Variants in NRXN1 observed in about 807,000 individuals in gnomAD.
NRXN1 encodes neurexin-1.
In NRXN1, 39 loss-of-function variants were observed where a neutral mutation model predicts 150.9. The ratio of observed to expected loss-of-function variants is 0.26; its 90% CI spans 0.20 to 0.34. The LOEUF (loss-of-function observed/expected upper bound fraction) is 0.34. NRXN1 is among the 10% of genes least tolerant of loss of function. The pLI is 1.00. For missense variants in NRXN1, 1,815 were observed against 1,949.9 expected (o/e 0.93, Z 1.30); for synonymous variants, 924 against 757.0 (o/e 1.22, Z -3.62).
intron 5 of NRXN1, among the ~76,000 whole-genome samples, chr2:50,872,048 C>A (rs1186736387): frequency 6.6e-6 from 1 of 151,776 alleles, no homozygotes; most frequent in African/African-American, 2.4e-5. Flanking sequence ...TCATAACAAA[C>A]CCTACTACTC....
intron 18 of NRXN1, among the ~76,000 whole-genome samples, chr2:50,186,906 T>C (rs1368465501): frequency 6.6e-6 from 1 of 152,116 alleles, no homozygotes; most frequent in African/African-American, 2.4e-5. Context: ...TTAAAATTCC[T>C]TCCTTCCACA....
At chr2:50,049,665 C>T (rs73930995) in intron 21 of NRXN1, among the ~76,000 whole-genome samples, 3,329 of 152,248 alleles carry the variant, frequency 0.022, 123 homozygotes, top group African/African-American at 0.076. Flanking sequence ...AAAGAAACAG[C>T]ACAGTTCAAT....
intron 18 of NRXN1, among the ~76,000 whole-genome samples, chr2:50,222,324 T>C (rs779849686): frequency 5.5e-4 from 84 of 152,126 alleles, no homozygotes; most frequent in Non-Finnish European, 9.4e-4. Flanking sequence ...ATTATTAAAA[T>C]GCGAACACAC....
intron 2 of NRXN1, among the ~76,000 whole-genome samples, chr2:50,948,928 G>A (rs1421455304): frequency 6.6e-6 from 1 of 151,844 alleles, no homozygotes. Context: ...AATTCAATAT[G>A]GCTTATCCAC....
At chr2:50,845,137 C>T (rs904069226) in intron 5 of NRXN1, among the ~76,000 whole-genome samples, 1 of 150,694 alleles carries the variant, frequency 6.6e-6, no homozygotes, top group African/African-American at 2.4e-5. Context: ...ATTACCATGC[C>T]TGGCTCTCAA....
intron 10 of NRXN1, among the ~76,000 whole-genome samples, chr2:50,537,268 G>A (rs886838798): frequency 6.6e-6 from 1 of 152,094 alleles, no homozygotes; most frequent in Non-Finnish European, 1.5e-5. Flanking sequence ...ATGTAATAAA[G>A]CAATGTTATT....
chr2:50,758,605 G>A (rs1701430357), intron 5 of NRXN1, among the ~76,000 whole-genome samples: 1 of 151,842 alleles, frequency 6.6e-6, no homozygotes, highest in Non-Finnish European at 1.5e-5. Flanking sequence ...ACCATTCCCA[G>A]CTTATAAACT....
chr2:50,539,529 A>T (rs1448253378), intron 9 of NRXN1, among the ~76,000 whole-genome samples: 1 of 152,188 alleles, frequency 6.6e-6, no homozygotes, highest in Non-Finnish European at 1.5e-5. Flanking sequence ...TCTATGAAAA[A>T]AAAAGAAAGA....
At chr2:49,956,348 G>T (rs867750160) in intron 21 of NRXN1, among the ~76,000 whole-genome samples, 1 of 152,096 alleles carries the variant, frequency 6.6e-6, no homozygotes, top group Non-Finnish European at 1.5e-5. Flanking sequence ...ATTAGAAAAG[G>T]TATCAATTTG....
chr2:50,469,218 A>G (rs2089225765), intron 16 of NRXN1, among the ~76,000 whole-genome samples: 1 of 151,642 alleles, frequency 6.6e-6, no homozygotes, highest in African/African-American at 2.4e-5. Context: ...TCTGTAAGTG[A>G]TTCTGATATA....
Position 50,482,243 on chromosome 2 carries a change from G to A in NRXN1, c.3071-9772C>T, listed in dbSNP as rs142659317. Among the ~76,000 whole-genome samples, 911 of 152,278 alleles carry A rather than the reference G, an allele frequency of 6.0e-3. 7 individuals are homozygous for A. Among genetic ancestry groups the A allele is most frequent in the Non-Finnish European group, 9.6e-3 (656 of 68,018 alleles). On this transcript the variant is annotated intron_variant, in intron 15 of 22. Coordinates refer to ENST00000401669, the MANE Select transcript of NRXN1 (RefSeq NM_001330078.2). ...GGAAATAATAAAGTGAAATTGCTATGGGAGCGTGTAGAGTAATCCATCTTC... is the reference window on the plus strand; with the variant it reads ...GGAAATAATAAAGTGAAATTGCTATAGGAGCGTGTAGAGTAATCCATCTTC...
Position 50,006,256 on chromosome 2 carries a change from T to C in NRXN1, c.4128+47015A>G, listed in dbSNP as rs536505459. Among the ~76,000 whole-genome samples, 3 of 152,258 alleles carry C rather than the reference T, an allele frequency of 2.0e-5. No individual in the cohort carries two copies. In the South Asian group the frequency reaches 6.2e-4, roughly 32 times the overall value. ...TACCCTAGTTCTAATTTTCATTACC[T>C]CCTTCTTGAACTACCGCACTTGCTT... is the stretch of plus-strand genomic sequence containing the variant. On this transcript the variant is annotated intron_variant, in intron 21 of 22. Transcript: ENST00000401669.
In NRXN1 at chr2:50,883,178, T is replaced by A. The variant is rs79795414; in HGVS notation, c.832+38691A>T. On this transcript the variant is annotated intron_variant, in intron 5 of 22. Transcript: ENST00000401669. ...GTGACGAATATTCTATTTGCAATTT[T>A]CTTTTCATTTTTGCATTGACATTAG... is the stretch of plus-strand genomic sequence containing the variant. 6.9e-3 allele frequency among the ~76,000 whole-genome samples: 1,049 copies of A among 152,006 alleles called. 13 individuals are homozygous for A. Among genetic ancestry groups the A allele is most frequent in the African/African-American group, 0.024 (1,013 of 41,522 alleles).
At chr2:50,349,598 A>G (rs2078269592) in intron 17 of NRXN1, among the ~76,000 whole-genome samples, 2 of 152,170 alleles carry the variant, frequency 1.3e-5, no homozygotes, top group African/African-American at 4.8e-5. Context: ...CACATTAGTT[A>G]CTGAGTCTTT....
chr2:50,386,810 C>T, intron 17 of NRXN1, among the ~76,000 whole-genome samples: 1 of 152,106 alleles, frequency 6.6e-6, no homozygotes, highest in East Asian at 1.9e-4. Context: ...TGGCCTTGAG[C>T]AAGGCACTTA....
chr2:50,828,984 C>T (rs1265213577), intron 5 of NRXN1, among the ~76,000 whole-genome samples: 2 of 152,308 alleles, frequency 1.3e-5, no homozygotes, highest in East Asian at 1.9e-4. Flanking sequence ...CCCGGCACCT[C>T]GGGAGGCCGA....
chr2:51,001,748 G>T (rs1398112767), intron 2 of NRXN1, among the ~76,000 whole-genome samples: 1 of 151,900 alleles, frequency 6.6e-6, no homozygotes, highest in Non-Finnish European at 1.5e-5. Context: ...TTTGATGATG[G>T]GGTTCAGGAT....
chr2:50,222,557 T>C (rs542887040), intron 18 of NRXN1, among the ~76,000 whole-genome samples: 2 of 152,054 alleles, frequency 1.3e-5, no homozygotes, highest in South Asian at 4.1e-4. Context: ...TTTACACATG[T>C]GAAACGATAT....
intron 18 of NRXN1, among the ~76,000 whole-genome samples, chr2:50,135,563 C>A (rs901205821): frequency 7.2e-5 from 11 of 152,022 alleles, no homozygotes; most frequent in African/African-American, 2.2e-4. Context: ...TGGTGGCGGG[C>A]GCCTGTAGAC....
Sources: allele counts gnomAD v4.1 joint callset (sites outside exome capture counted in the v4.1 genomes callset), GRCh38; gene constraint gnomAD v4.1.1; transcripts MANE v1.5; gene names NCBI Gene and HGNC (gene_info 2026-07-23, HGNC 2026-07-21).